Variants in ABHD12 observed in about 807,000 individuals in gnomAD.
ABHD12 encodes lysophosphatidylserine lipase ABHD12.
ABHD12 carries 43 observed loss-of-function variants against 58.3 expected under a neutral mutation model. That is an observed-to-expected ratio of 0.74 (90% confidence interval 0.58 to 0.95). ABHD12 has a LOEUF of 0.95. Among genes scored for constraint, ABHD12 ranks in the 40% least tolerant of loss-of-function variants. The pLI, the probability that ABHD12 is intolerant of heterozygous loss-of-function variation, is 0.00. For synonymous variants in ABHD12, 219 were observed against 211.2 expected, an observed-to-expected ratio of 1.04 and a Z score of -0.32; for missense variants, 539 against 537.2, an observed-to-expected ratio of 1.00 and a Z score of -0.03.
Position 25,323,413 on chromosome 20 carries a change from T to G in ABHD12, c.334A>C (p.Ile112Leu). ...FLNFVRVPYF[I>L]DLKKPQDQGL... ...TGATCCTGTGGTTTTTTCAAATCAATGAAATAGGGAACTCTTACTGTAGGA... is the reference window on the plus strand; with the variant it reads ...TGATCCTGTGGTTTTTTCAAATCAAGGAAATAGGGAACTCTTACTGTAGGA... Residue 112 changes from isoleucine (I) to leucine (L), a missense_variant, in exon 3 of 13, where the codon ATT (isoleucine) becomes CTT (leucine). Physicochemically the swap from Ile to Leu is conservative, Grantham distance 5. Transcript: ENST00000339157. 6.2e-7 allele frequency: 1 copy of G among 1,609,354 alleles called. No individual in the cohort carries two copies. Among genetic ancestry groups the G allele is most frequent in the Non-Finnish European group, 8.5e-7 (1 of 1,175,666 alleles).
At chr20:25,303,878 G>A (rs746275358) in intron 10 of ABHD12, among the ~76,000 whole-genome samples, 3 of 152,218 alleles carry the variant, frequency 2.0e-5, no homozygotes, top group African/African-American at 7.2e-5. Flanking sequence ...AATTGAAAAT[G>A]ATTATTTTTC....
At chr20:25,321,119 C>G (rs957938977) in intron 3 of ABHD12, among the ~76,000 whole-genome samples, 1 of 152,250 alleles carries the variant, frequency 6.6e-6, no homozygotes, top group African/African-American at 2.4e-5. Context: ...TAACGTCTCT[C>G]TCTGATCCGT....
At chr20:25,328,323 T>A (rs2089210788) in intron 2 of ABHD12, among the ~76,000 whole-genome samples, 1 of 152,116 alleles carries the variant, frequency 6.6e-6, no homozygotes, top group African/African-American at 2.4e-5. Flanking sequence ...CAGCCCAGGG[T>A]GCAAGTCTAT....
intron 1 of ABHD12, among the ~76,000 whole-genome samples, chr20:25,379,312 C>G (rs867768136): frequency 1.5e-4 from 23 of 152,226 alleles, no homozygotes; most frequent in African/African-American, 4.6e-4. Flanking sequence ...AGAGCTCAGA[C>G]TGCGCCCACG....
intron 1 of ABHD12, among the ~76,000 whole-genome samples, chr20:25,350,906 T>G (rs2089588816): frequency 6.7e-6 from 1 of 148,894 alleles, no homozygotes; most frequent in Non-Finnish European, 1.5e-5. Context: ...ACCAGAGCAT[T>G]TAAAAAAAAG....
chr20:25,300,632 C>T lies in ABHD12; in HGVS notation c.*213G>A, dbSNP rs1234609346. ...GCGGCAAGGAGAGCCACATGCCTGC[C>T]ACCCACGCTTTCCACACAGCCATGC... On this transcript the variant is annotated 3_prime_UTR_variant, in exon 13 of 13. Transcript: ENST00000339157. 3 of 1,454,762 alleles carry T rather than the reference C, an allele frequency of 2.1e-6. No homozygotes were observed. Among genetic ancestry groups the T allele is most frequent in the African/African-American group, 1.4e-5 (1 of 70,486 alleles). 90.1% of individuals were successfully genotyped at this position (1,454,762 alleles called of 1,614,324 possible).
chr20:25,302,997 A>C (rs1008944212), intron 11 of ABHD12, among the ~76,000 whole-genome samples: 1 of 152,322 alleles, frequency 6.6e-6, no homozygotes, highest in African/African-American at 2.4e-5. Context: ...AATCCAATCC[A>C]ACTTGCTGAC....
At chr20:25,342,103 C>CAAAAA (rs11476197) in intron 1 of ABHD12, among the ~76,000 whole-genome samples, 12 of 69,800 alleles carry the variant, frequency 1.7e-4, no homozygotes, top group Admixed American at 9.0e-4. Context: ...AACTCTGTCT[C>CAAAAA]AAAAAAAAAA....
chr20:25,328,100 C>A (rs555668175), intron 2 of ABHD12, among the ~76,000 whole-genome samples: 128 of 150,936 alleles, frequency 8.5e-4, no homozygotes, highest in African/African-American at 3.0e-3. Flanking sequence ...ACGCCAGTCT[C>A]CTGGAAAAAA....
intron 1 of ABHD12, among the ~76,000 whole-genome samples, chr20:25,348,698 A>G (rs1318387481): frequency 6.6e-6 from 1 of 152,172 alleles, no homozygotes; most frequent in Non-Finnish European, 1.5e-5. Context: ...ACCTTTCTCC[A>G]AAGGAGGTAT....
intron 1 of ABHD12, among the ~76,000 whole-genome samples, chr20:25,377,709 T>G (rs1260807357): frequency 6.6e-6 from 1 of 152,162 alleles, no homozygotes; most frequent in Non-Finnish European, 1.5e-5. Flanking sequence ...TTTTGTTTGT[T>G]TGTTTTGAGA....
At chr20:25,324,150 C>T (rs961978429) in intron 2 of ABHD12, among the ~76,000 whole-genome samples, 2 of 152,218 alleles carry the variant, frequency 1.3e-5, no homozygotes, top group African/African-American at 4.8e-5. Flanking sequence ...CTGTGGAAGA[C>T]CATGGGGCCC....
rs914366203 is a variant in ABHD12 at position 25,300,795 on chromosome 20, G to A, written c.*50C>T. 5 of 1,613,720 alleles carry A rather than the reference G, an allele frequency of 3.1e-6. No homozygotes were observed. Among genetic ancestry groups the A allele is most frequent in the Non-Finnish European group, 4.2e-6 (5 of 1,179,852 alleles). ...CAGGATACCGGGCTGCTGACTGGAGGAAAACGGGAGGAGGGCAGAGGTCTT... is the reference window on the plus strand; with the variant it reads ...CAGGATACCGGGCTGCTGACTGGAGAAAAACGGGAGGAGGGCAGAGGTCTT... On this transcript the variant is annotated 3_prime_UTR_variant, in exon 13 of 13. Coordinates refer to ENST00000339157, the MANE Select transcript of ABHD12 (RefSeq NM_001042472.3).
intron 1 of ABHD12, among the ~76,000 whole-genome samples, chr20:25,361,262 T>C (rs989005601): frequency 6.6e-6 from 1 of 152,238 alleles, no homozygotes; most frequent in African/African-American, 2.4e-5. Context: ...CAGAACTGCA[T>C]GAAATCTATT....
At chr20:25,371,637 G>C (rs1006830370) in intron 1 of ABHD12, among the ~76,000 whole-genome samples, 2 of 152,192 alleles carry the variant, frequency 1.3e-5, no homozygotes, top group African/African-American at 2.4e-5. Context: ...AAACTTGATA[G>C]AAAGGCCACT....
At chr20:25,295,071 T>G in intron 12 of ABHD12, 1 of 1,591,078 alleles carries the variant, frequency 6.3e-7, no homozygotes, top group Non-Finnish European at 8.6e-7. Context: ...GAACTCTGCA[T>G]TTCGTGAAGT....
At chr20:25,382,905 A>G (rs948811929) in intron 1 of ABHD12, among the ~76,000 whole-genome samples, 4 of 152,114 alleles carry the variant, frequency 2.6e-5, no homozygotes, top group Admixed American at 2.6e-4. Flanking sequence ...GATAAGGTAC[A>G]CTGAGTTAGG....
chr20:25,338,804 C>T (rs1295402455), intron 2 of ABHD12: 2 of 1,002,022 alleles, frequency 2.0e-6, no homozygotes, highest in South Asian at 4.3e-5. Context: ...GGCAGCTAGG[C>T]TCCTGGAATG....
intron 1 of ABHD12, among the ~76,000 whole-genome samples, chr20:25,343,496 GGGCAA>G (rs1277582724): frequency 1.3e-5 from 2 of 152,144 alleles, no homozygotes; most frequent in Non-Finnish European, 2.9e-5. Flanking sequence ...AGGCCAGCCT[GGGCAA>G]CATCTTCAAA....
Sources: gnomAD v4.1 joint callset for allele counts (sites outside exome capture counted in the v4.1 genomes callset) on GRCh38, gnomAD v4.1.1 for gene constraint, MANE v1.5 for transcripts, NCBI Gene and HGNC (gene_info 2026-07-23, HGNC 2026-07-21) for gene names.